The following PSG6 variants were observed in gnomAD, a reference collection of about 807,000 sequenced individuals.
The protein encoded by PSG6 is pregnancy-specific beta-1-glycoprotein 6.
A neutral mutation model predicts 43.3 loss-of-function variants in PSG6; 51 were observed. The ratio of observed to expected loss-of-function variants is 1.18; its 90% CI spans 0.94 to 1.49. PSG6 has a LOEUF of 1.49. Among genes scored for constraint, PSG6 ranks in the 40% most tolerant of loss-of-function variants. The pLI, the probability that PSG6 is intolerant of heterozygous loss-of-function variation, is 0.00. For missense variants in PSG6, 770 were observed against 522.2 expected, an observed-to-expected ratio of 1.47 and a Z score of -4.62; for synonymous variants, 292 against 197.6, an observed-to-expected ratio of 1.48 and a Z score of -4.01.
chr19:42,905,311 C>T (rs1003815644), intron 5 of PSG6, among the ~76,000 whole-genome samples: 12 of 151,662 alleles, frequency 7.9e-5, no homozygotes, highest in African/African-American at 2.7e-4. Flanking sequence ...TGCAAAGTTC[C>T]TCAGCATCAC....
chr19:42,912,356 T>G lies in PSG6; in HGVS notation c.428-1498A>C, dbSNP rs190955367. On this transcript the variant is annotated intron_variant, in intron 2 of 5. Coordinates refer to ENST00000187910, the MANE Select transcript of PSG6 (RefSeq NM_001031850.4). ...TGTTTTCATAAGTGGAAATTTTTACTGATGGTCCAAACATCTAAGATCAAT... is the reference window on the plus strand; with the variant it reads ...TGTTTTCATAAGTGGAAATTTTTACGGATGGTCCAAACATCTAAGATCAAT... 6.9e-4 allele frequency among the ~76,000 whole-genome samples: 105 copies of G among 151,852 alleles called. 5 individuals are homozygous for G. The highest frequency in any genetic ancestry group is 3.9e-3 in the East Asian group (20 of 5,158).
intron 5 of PSG6, among the ~76,000 whole-genome samples, chr19:42,902,824 G>C (rs181855135): frequency 5.3e-5 from 8 of 151,462 alleles, no homozygotes; most frequent in African/African-American, 1.9e-4. Flanking sequence ...TACCAGACTT[G>C]ATTCTTTGCA....
chr19:42,912,296 C>G lies in PSG6; in HGVS notation c.428-1438G>C, dbSNP rs186513833. Among the ~76,000 whole-genome samples, 494 of 151,394 alleles carry G rather than the reference C, an allele frequency of 3.3e-3. 7 individuals are homozygous for G. Among genetic ancestry groups the G allele is most frequent in the African/African-American group, 0.011 (473 of 41,264 alleles). On this transcript the variant is annotated intron_variant, in intron 2 of 5. Coordinates refer to ENST00000187910, the MANE Select transcript of PSG6 (RefSeq NM_001031850.4). ...TTAGACCTCATGTTATATTCTGACTCTAGTAACAAAAAAAATTTGGAGGAA... is the reference window on the plus strand; with the variant it reads ...TTAGACCTCATGTTATATTCTGACTGTAGTAACAAAAAAAATTTGGAGGAA...
chr19:42,902,430 GTTTC>G lies in PSG6; in HGVS notation c.1253_1256del (p.Gly418AlafsTer24), dbSNP rs1716598421. The G allele has an allele frequency of 6.2e-7, 1 of 1,611,016 alleles. No homozygotes were observed. The highest frequency in any genetic ancestry group is 8.5e-7 in the Non-Finnish European group (1 of 1,178,356). ...GCAGCCATTAATGAGACTCTGTCTG[GTTTC>G]CATGGCAGGGACCTGATTGACAGAA... On this transcript the variant is annotated frameshift_variant, in exon 6 of 6. Coordinates refer to ENST00000187910, the MANE Select transcript of PSG6 (RefSeq NM_001031850.4). LOFTEE classifies it high-confidence loss of function.
At position 42,917,713 on chromosome 19, in the gene PSG6, G is replaced by A. The variant is rs753969738; in HGVS notation, c.64+16C>T. ...GCTTCCTCCTCCTGTCCTCTCCCAG[G>A]AAGTCCTCTCCTCACCTGTGAGCAG... On this transcript the variant is annotated intron_variant, in intron 1 of 5. Coordinates refer to ENST00000187910, the MANE Select transcript of PSG6 (RefSeq NM_001031850.4). 1 of 1,608,694 alleles carries A rather than the reference G, an allele frequency of 6.2e-7. No homozygotes were observed. The highest frequency in any genetic ancestry group is 8.5e-7 in the Non-Finnish European group (1 of 1,176,966).
chr19:42,902,533 G>A (rs1779854246), intron 5 of PSG6, 87 bp from the exon 6 acceptor site: 2 of 1,556,534 alleles, frequency 1.3e-6, no homozygotes, highest in South Asian at 2.4e-5. Context: ...CTCCCAGCAA[G>A]GGTGTGAAAG....
chr19:42,906,518 G>A (rs1399619370), intron 5 of PSG6: 4 of 1,259,882 alleles, frequency 3.2e-6, no homozygotes, highest in Non-Finnish European at 3.0e-6. Flanking sequence ...AAAAGTGTGA[G>A]CTTGTTTCAA....
At position 42,907,807 on chromosome 19, in the gene PSG6, C is replaced by G. The variant is rs146009558; in HGVS notation, c.754G>C (p.Glu252Gln). Reference sequence around the variant, plus strand: ...GTGAAGGCTAACACATCCTTCTTCTCCCTGGGGTTTAAGTTGTTGATGGTG... The same window carrying G: ...GTGAAGGCTAACACATCCTTCTTCTGCCTGGGGTTTAAGTTGTTGATGGTG... Reference protein sequence around the residue: ...YITINNLNPREKKDVLAFTCE... With the variant: ...YITINNLNPRQKKDVLAFTCE... Residue 252 changes from glutamate to glutamine, a missense_variant, in exon 4 of 6, where the codon GAG (glutamate) becomes CAG (glutamine). By Grantham distance (29) the Glu-to-Gln change is conservative. Coordinates refer to ENST00000187910, the MANE Select transcript of PSG6 (RefSeq NM_001031850.4). 8.0e-4 allele frequency: 1,282 copies of G among 1,611,466 alleles called. 30 individuals are homozygous for G. Among genetic ancestry groups the G allele is most frequent in the Middle Eastern group, 1.7e-3 (9 of 5,278 alleles).
Position 42,906,666 on chromosome 19 carries a change from C to T in PSG6, c.1240+256G>A, listed in dbSNP as rs150160808. ...TTGTCCCTCTGTGAAGCCTCTTCTA[C>T]CACATAGGGCTCAGGGCTGATAAAG... On this transcript the variant is annotated intron_variant, in intron 5 of 5. Coordinates refer to ENST00000187910, the MANE Select transcript of PSG6 (RefSeq NM_001031850.4). 7.7e-4 allele frequency: 1,096 copies of T among 1,416,552 alleles called. 23 individuals are homozygous for T. The African/African-American group carries it at 0.015, about 19-fold the overall frequency. 87.7% of individuals were successfully genotyped at this position (1,416,552 alleles called of 1,614,324 possible).
At position 42,906,957 on chromosome 19, in the gene PSG6, T is replaced by A. The variant is rs147272088; in HGVS notation, c.1205A>T (p.Lys402Met). The change falls in exon 5 of 6, where the codon AAG (lysine) becomes ATG (methionine). Residue 402 changes from lysine to methionine, a missense_variant. Physicochemically the swap from Lys to Met is moderately conservative, Grantham distance 95. Coordinates refer to ENST00000187910, the MANE Select transcript of PSG6 (RefSeq NM_001031850.4). ...ACSVRNSATG[K>M]EISKSMIVKV... ...GACTATCATGGATTTGGAGATTTCC[T>A]TGCCAGTGGCTGAGTTACGAACAGA... The A allele has an allele frequency of 4.0e-3, 6,417 of 1,612,476 alleles. 170 individuals are homozygous for A. The highest frequency in any genetic ancestry group is 4.3e-3 in the Non-Finnish European group (5,123 of 1,179,100).
At chr19:42,906,830 T>C in intron 5 of PSG6, 92 bp downstream of exon 5, 1 of 1,607,570 alleles carries the variant, frequency 6.2e-7, no homozygotes, top group East Asian at 2.2e-5. Flanking sequence ...TGGGACACAG[T>C]CTGGGAATAC....
In PSG6 at chr19:42,916,368, G is replaced by T; in HGVS notation, c.184C>A (p.Leu62Ile). 1 of 1,612,196 alleles carries T rather than the reference G, an allele frequency of 6.2e-7. No homozygotes were observed. The highest frequency in any genetic ancestry group is 8.5e-7 in the Non-Finnish European group (1 of 1,179,144). ...CCTTTGTACCAGATGTAGCCAGTAA[G>T]ATTCTGGGGCAAATTGTGGACAAGT... ...LLLVHNLPQN[L>I]TGYIWYKGQM... Residue 62 changes from leucine to isoleucine, a missense_variant, in exon 2 of 6, where the codon CTT (leucine) becomes ATT (isoleucine). Physicochemically the swap from Leu to Ile is conservative, Grantham distance 5. Transcript: ENST00000187910.
chr19:42,915,444 T>A (rs1223083897), intron 2 of PSG6: 2 of 152,034 alleles, frequency 1.3e-5, no homozygotes, highest in East Asian at 3.9e-4. Flanking sequence ...CTTCTGGGGA[T>A]ATTAGACTTT....
chr19:42,912,088 G>A (rs1600546709), intron 2 of PSG6, among the ~76,000 whole-genome samples: 1 of 151,574 alleles, frequency 6.6e-6, no homozygotes, highest in East Asian at 1.9e-4. Context: ...TGCAGTATAT[G>A]TACTGGTTTA....
chr19:42,911,917 G>A (rs1254190394), intron 2 of PSG6, among the ~76,000 whole-genome samples: 4 of 151,512 alleles, frequency 2.6e-5, no homozygotes, highest in South Asian at 2.1e-4. Context: ...GGTATAGGGC[G>A]TTGTTCCGTG....
rs753264217 is a variant in PSG6 at position 42,903,652 on chromosome 19, G to A, written c.1241-1206C>T. The A allele has an allele frequency of 4.8e-5, 74 of 1,526,410 alleles. 1 individual carries two copies. The highest frequency in any genetic ancestry group is 2.3e-4 in the Middle Eastern group (1 of 4,274). 94.6% of individuals were successfully genotyped at this position (1,526,410 alleles called of 1,614,324 possible). A position where few individuals can be genotyped will look rare whatever the true frequency, so the allele number is the denominator to read the frequency against. On this transcript the variant is annotated intron_variant, in intron 5 of 5. Transcript: ENST00000187910. The stretch of plus-strand genomic sequence containing the variant: ...ATGTTTTAATCCTAGCACTTTGGGA[G>A]GTCACAGCAGAAGGATTTCTTGAAA...
intron 3 of PSG6, 47 bp from the exon 4 acceptor site, chr19:42,907,901 C>G: frequency 6.3e-7 from 1 of 1,595,934 alleles, no homozygotes; most frequent in African/African-American, 1.3e-5. Flanking sequence ...TTTGATTCCT[C>G]CACAGGCATC....
chr19:42,911,086 A>G (rs552144921), intron 2 of PSG6, among the ~76,000 whole-genome samples: 1 of 151,644 alleles, frequency 6.6e-6, no homozygotes, highest in South Asian at 2.1e-4. Context: ...ATGTGAATTG[A>G]GCAGCAGCAT....
chr19:42,903,636 T>G (rs1259152237), intron 5 of PSG6: 2 of 1,512,938 alleles, frequency 1.3e-6, no homozygotes, highest in African/African-American at 2.8e-5. Flanking sequence ...CATGTTTTAA[T>G]CCTAGCACTT....
Sources: gnomAD v4.1 joint callset for allele counts (sites outside exome capture counted in the v4.1 genomes callset) on GRCh38, gnomAD v4.1.1 for gene constraint, MANE v1.5 for transcripts, NCBI Gene and HGNC (gene_info 2026-07-23, HGNC 2026-07-21) for gene names.